ALDH1A2: variants seen among roughly 807,000 people sequenced by gnomAD.
ALDH1A2 encodes aldehyde dehydrogenase 1 family member A2, also known as retinal dehydrogenase 2.
In ALDH1A2, 27 loss-of-function variants were observed where a neutral mutation model predicts 60.3. The observed-to-expected ratio is 0.45, with a 90% CI of 0.33 to 0.62. ALDH1A2 has a LOEUF of 0.62. Ranked by LOEUF, ALDH1A2 falls within the 20% of genes least tolerant of loss-of-function variation. The pLI, the probability that ALDH1A2 is intolerant of heterozygous loss-of-function variation, is 0.02. For synonymous variants in ALDH1A2, 289 were observed against 232.4 expected, an observed-to-expected ratio of 1.24 and a Z score of -2.21; for missense variants, 581 against 643.8, an observed-to-expected ratio of 0.90 and a Z score of 1.06.
chr15:57,972,828 C>A (rs1894115970), intron 7 of ALDH1A2, among the ~76,000 whole-genome samples: 1 of 152,080 alleles, frequency 6.6e-6, no homozygotes, highest in African/African-American at 2.4e-5. Context: ...ACTCACACAA[C>A]CTTAGAAAAA....
chr15:58,010,780 T>C lies in ALDH1A2; in HGVS notation c.364-2A>G. 1 of 1,613,124 alleles carries C rather than the reference T, an allele frequency of 6.2e-7. No individual in the cohort carries two copies. The highest frequency in any genetic ancestry group is 8.5e-7 in the Non-Finnish European group (1 of 1,179,246). ...GCCACCATTTAGGGATTCCATGGTC[T>C]GTTGGAAGAGAAATGGAGAGATACT... On this transcript the variant is annotated splice_acceptor_variant, in intron 3 of 12. Coordinates refer to ENST00000249750, the MANE Select transcript of ALDH1A2 (RefSeq NM_003888.4). LOFTEE classifies it high-confidence loss of function.
intron 8 of ALDH1A2, 125 bp downstream of exon 8, chr15:57,965,600 G>A (rs1413396027): frequency 1.2e-5 from 10 of 812,666 alleles, no homozygotes; most frequent in Non-Finnish European, 4.3e-6. Context: ...TCTCCTTAGA[G>A]GAGATCTTTT....
chr15:57,995,588 CA>C (rs1895031574), intron 4 of ALDH1A2, among the ~76,000 whole-genome samples: 1 of 151,914 alleles, frequency 6.6e-6, no homozygotes, highest in Non-Finnish European at 1.5e-5. Context: ...AAATGCTCGG[CA>C]ACTGGAAAAA....
chr15:58,002,031 C>G (rs1484924742), intron 4 of ALDH1A2, among the ~76,000 whole-genome samples: 7 of 151,852 alleles, frequency 4.6e-5, no homozygotes, highest in African/African-American at 1.7e-4. Context: ...AAAACGCAGA[C>G]TAACAGATAT....
intron 7 of ALDH1A2, among the ~76,000 whole-genome samples, chr15:57,986,571 CAAAAAAAAAAAAA>C (rs71116542): frequency 2.4e-5 from 2 of 82,076 alleles, no homozygotes; most frequent in Admixed American, 1.5e-4. Flanking sequence ...ACAGAAAAGC[CAAAAAAAAAAAAA>C]AAAAAAAAAG....
intron 3 of ALDH1A2, among the ~76,000 whole-genome samples, chr15:58,011,447 T>A (rs1895630608): frequency 6.6e-6 from 1 of 152,342 alleles, no homozygotes; most frequent in African/African-American, 2.4e-5. Context: ...TTTAACGACA[T>A]GTTCCTGAAC....
chr15:58,003,185 T>A (rs1895334082), intron 4 of ALDH1A2, among the ~76,000 whole-genome samples: 1 of 151,882 alleles, frequency 6.6e-6, no homozygotes, highest in African/African-American at 2.4e-5. Context: ...CTTTTCAGCT[T>A]CAACCTCTTA....
chr15:58,021,512 G>A (rs1895927167), intron 1 of ALDH1A2, among the ~76,000 whole-genome samples: 1 of 152,268 alleles, frequency 6.6e-6, no homozygotes, highest in Non-Finnish European at 1.5e-5. Context: ...CTGGCCACTT[G>A]AAAAGCCCTC....
intron 4 of ALDH1A2, 109 bp downstream of exon 4, chr15:58,010,540 A>G (rs1192849924): frequency 4.9e-6 from 7 of 1,434,508 alleles, no homozygotes; most frequent in Non-Finnish European, 6.7e-6. Context: ...TAACTGCTGT[A>G]AGTGTGCTCA....
At chr15:58,034,942 A>C (rs1420051035) in intron 1 of ALDH1A2, among the ~76,000 whole-genome samples, 1 of 151,602 alleles carries the variant, frequency 6.6e-6, no homozygotes, top group Non-Finnish European at 1.5e-5. Flanking sequence ...CCATTCTCGT[A>C]ATCTCTTTAT....
At chr15:57,957,857 G>A (rs117655549) in intron 12 of ALDH1A2, among the ~76,000 whole-genome samples, 142 of 152,184 alleles carry the variant, frequency 9.3e-4, no homozygotes, top group Admixed American at 3.5e-3. Flanking sequence ...TTTTCAGAGC[G>A]GAGTAAAGTC....
At chr15:58,003,766 ACTTTT>A (rs1312574761) in intron 4 of ALDH1A2, among the ~76,000 whole-genome samples, 1 of 151,912 alleles carries the variant, frequency 6.6e-6, no homozygotes, top group Non-Finnish European at 1.5e-5. Flanking sequence ...AGAAAACAAT[ACTTTT>A]CTTTAGGGCT....
intron 3 of ALDH1A2, among the ~76,000 whole-genome samples, chr15:58,013,605 A>T (rs543671177): frequency 9.5e-4 from 144 of 152,236 alleles, no homozygotes; most frequent in Non-Finnish European, 1.6e-3. Context: ...TACAAAAATT[A>T]GCCAGGTGTG....
rs1595651358 is a variant in ALDH1A2 at position 57,995,234 on chromosome 15, AAAC to A, written c.494-98_494-96del. The stretch of plus-strand genomic sequence containing the variant: ...GGTGGCTGCAAAAAAAAAAAAAAAA[AAAC>A]AAACAGAAATAAACTTGAAAAAACA... On this transcript the variant is annotated intron_variant, in intron 4 of 12. Transcript: ENST00000249750. 9.8e-4 allele frequency: 705 copies of A among 720,188 alleles called. 31 individuals are homozygous for A. Among genetic ancestry groups the A allele is most frequent in the East Asian group, 2.7e-3 (85 of 30,928 alleles). The allele number at this position is 720,188 out of a possible 1,614,324, so 44.6% of individuals were successfully genotyped here. A position where few individuals can be genotyped will look rare whatever the true frequency, so the allele number is the denominator to read the frequency against.
chr15:58,058,881 T>G (rs1896958218), intron 1 of ALDH1A2, among the ~76,000 whole-genome samples: 1 of 152,172 alleles, frequency 6.6e-6, no homozygotes, highest in Non-Finnish European at 1.5e-5. Flanking sequence ...AACCACATTC[T>G]ACAGAGGTCA....
At chr15:57,957,412 C>T (rs1171380422) in intron 12 of ALDH1A2, among the ~76,000 whole-genome samples, 1 of 152,196 alleles carries the variant, frequency 6.6e-6, no homozygotes, top group Admixed American at 6.5e-5. Flanking sequence ...GTGGGTCACA[C>T]TTTGGGAAAC....
intron 1 of ALDH1A2, among the ~76,000 whole-genome samples, chr15:58,029,584 A>T (rs1595677288): frequency 1.4e-4 from 2 of 14,728 alleles, no homozygotes; most frequent in Admixed American, 1.1e-3. Flanking sequence ...AAAATCCCCT[A>T]AAAAAAAAAA....
chr15:57,958,377 C>T (rs1374619179), intron 12 of ALDH1A2, among the ~76,000 whole-genome samples: 1 of 152,222 alleles, frequency 6.6e-6, no homozygotes, highest in Non-Finnish European at 1.5e-5. Context: ...CACCCCTCAT[C>T]TCAGGGGAGT....
At chr15:57,994,232 C>G (rs1421653776) in intron 5 of ALDH1A2, among the ~76,000 whole-genome samples, 2 of 152,192 alleles carry the variant, frequency 1.3e-5, no homozygotes, top group Non-Finnish European at 2.9e-5. Context: ...TCAAACCTCT[C>G]ATTTTCCCTT....
Sources: allele counts gnomAD v4.1 joint callset (sites outside exome capture counted in the v4.1 genomes callset), GRCh38; gene constraint gnomAD v4.1.1; transcripts MANE v1.5; gene names NCBI Gene and HGNC (gene_info 2026-07-23, HGNC 2026-07-21).